The following ZNF267 variants were observed in gnomAD, a reference collection of about 807,000 sequenced individuals.
ZNF267 encodes zinc finger (C2H2).
ZNF267 carries 61 observed loss-of-function variants against 71.6 expected under a neutral mutation model. The observed-to-expected ratio is 0.85, with a 90% CI of 0.69 to 1.05. The LOEUF (loss-of-function observed/expected upper bound fraction) is 1.05. Ranked by LOEUF, ZNF267 falls within the 50% of genes least tolerant of loss-of-function variation. The pLI is 0.00. For missense variants in ZNF267, 852 were observed against 870.0 expected (o/e 0.98, Z 0.26); for synonymous variants, 288 against 293.2 (o/e 0.98, Z 0.18).
Position 31,899,113 on chromosome 16 carries a change from A to G in ZNF267, c.226+13857A>G, listed in dbSNP as rs1289752253. Reference sequence around the variant, plus strand: ...GAGACTTTAACACCCCACTGTCAATATTAGATCAAGGAGACAGAAAATTAA... The same window carrying G: ...GAGACTTTAACACCCCACTGTCAATGTTAGATCAAGGAGACAGAAAATTAA... On this transcript the variant is annotated intron_variant, in intron 3 of 3. Transcript: ENST00000300870. Among the ~76,000 whole-genome samples the G allele has an allele frequency of 2.6e-5, 4 of 152,030 alleles. No homozygotes were observed. In the East Asian group the frequency reaches 7.8e-4, roughly 30 times the overall value.
intron 3 of ZNF267, among the ~76,000 whole-genome samples, chr16:31,901,117 A>G (rs1399445243): frequency 4.6e-5 from 7 of 152,254 alleles, no homozygotes; most frequent in African/African-American, 1.7e-4. Context: ...ATGTCCCTAC[A>G]AAGGACATGA....
In ZNF267 at chr16:31,915,093, CAT is replaced by C; in HGVS notation, c.847_848del (p.Ile283SerfsTer13). 6.2e-7 allele frequency: 1 copy of C among 1,613,612 alleles called. No homozygotes were observed. Among genetic ancestry groups the C allele is most frequent in the Non-Finnish European group, 8.5e-7 (1 of 1,179,846 alleles). ...CVEVCTQSLK[H>X]IQHQTIHIRE... is the part of the protein sequence containing the mutation. Reference sequence around the variant, plus strand: ...AGAAGTTTGTACCCAGTCATTAAAACATATTCAACATCAGACCATCCATATCA... The same window carrying C: ...AGAAGTTTGTACCCAGTCATTAAAACATTCAACATCAGACCATCCATATCA... On this transcript the variant is annotated frameshift_variant, in exon 4 of 4. Coordinates refer to ENST00000300870, the MANE Select transcript of ZNF267 (RefSeq NM_003414.6). LOFTEE classifies it high-confidence loss of function.
Position 31,875,247 on chromosome 16 carries a change from T to C in ZNF267, c.3+1278T>C, listed in dbSNP as rs938037072. 3 of 1,289,100 alleles carry C rather than the reference T, an allele frequency of 2.3e-6. No individual in the cohort carries two copies. The African/African-American group carries it at 4.6e-5, about 20-fold the overall frequency. The allele number at this position is 1,289,100 out of a possible 1,614,324, so 79.9% of individuals were successfully genotyped here. On this transcript the variant is annotated intron_variant, in intron 1 of 3. Coordinates refer to ENST00000300870, the MANE Select transcript of ZNF267 (RefSeq NM_003414.6). ...AGATGCCCACAGTGGCCATGTCTCC[T>C]GGAGTGTTTAGTGACTGTCAGCCCC...
intron 3 of ZNF267, among the ~76,000 whole-genome samples, chr16:31,890,651 G>C (rs879803344): frequency 2.0e-5 from 3 of 152,242 alleles, no homozygotes; most frequent in Non-Finnish European, 4.4e-5. Context: ...GATTCCAGGA[G>C]CTTGGAAGGC....
At chr16:31,875,645 T>C (rs2083847132) in intron 1 of ZNF267, among the ~76,000 whole-genome samples, 1 of 152,218 alleles carries the variant, frequency 6.6e-6, no homozygotes, top group African/African-American at 2.4e-5. Context: ...GGATGGTCCC[T>C]GAGCATTTTA....
Position 31,917,354 on chromosome 16 carries a change from T to A in ZNF267, c.*873T>A, listed in dbSNP as rs2084186611. 1 of 152,076 alleles carries A rather than the reference T, an allele frequency of 6.6e-6. No individual in the cohort carries two copies. 9.4% of individuals were successfully genotyped at this position (152,076 alleles called of 1,614,324 possible). On this transcript the variant is annotated 3_prime_UTR_variant, in exon 4 of 4. Coordinates refer to ENST00000300870, the MANE Select transcript of ZNF267 (RefSeq NM_003414.6). ...CTATATTAAAGTAAGAGGGATATTCTGAATTTTTGAAATTACTTCAATTCC... is the reference window on the plus strand; with the variant it reads ...CTATATTAAAGTAAGAGGGATATTCAGAATTTTTGAAATTACTTCAATTCC...
At chr16:31,885,833 C>CA (rs1403878727) in intron 3 of ZNF267, among the ~76,000 whole-genome samples, 19 of 151,660 alleles carry the variant, frequency 1.3e-4, no homozygotes, top group Non-Finnish European at 2.5e-4. Context: ...TGTTTCACTT[C>CA]AACTTCTCAT....
intron 3 of ZNF267, 119 bp from the exon 4 acceptor site, chr16:31,914,357 A>T: frequency 1.1e-6 from 1 of 905,444 alleles, no homozygotes; most frequent in Non-Finnish European, 1.6e-6. Flanking sequence ...ACACGGCCTC[A>T]GGTTTTTCAC....
chr16:31,890,318 A>G (rs1430464692), intron 3 of ZNF267: 2 of 152,144 alleles, frequency 1.3e-5, no homozygotes, highest in South Asian at 4.1e-4. Context: ...TTTAGTTTCT[A>G]TATCCTCTTA....
At position 31,914,548 on chromosome 16, in the gene ZNF267, C is replaced by A. The variant is rs762062157; in HGVS notation, c.299C>A (p.Ser100Ter). Residue 100 changes from serine (S) to a stop codon, truncating the protein, a stop_gained, in exon 4 of 4, where the codon TCG (serine) becomes TAG (stop). Coordinates refer to ENST00000300870, the MANE Select transcript of ZNF267 (RefSeq NM_003414.6). LOFTEE classifies it high-confidence loss of function. The stretch of plus-strand genomic sequence containing the variant: ...GAAGCTTCATTCCAAAAAGTGATAT[C>A]GAGGAGACATGGGAGCTGTGATCTT... ...CTEASFQKVI[S>*]RRHGSCDLEN... 1 of 1,613,910 alleles carries A rather than the reference C, an allele frequency of 6.2e-7. No individual in the cohort carries two copies. The highest frequency in any genetic ancestry group is 1.1e-5 in the South Asian group (1 of 91,068).
At chr16:31,914,404 G>A (rs2084156521) in intron 3 of ZNF267, 72 bp from the exon 4 acceptor site, 3 of 1,325,454 alleles carry the variant, frequency 2.3e-6, no homozygotes, top group Admixed American at 2.6e-5. Context: ...GCATAATTTT[G>A]TATATTAGAT....
In ZNF267 at chr16:31,873,869, T is replaced by C. The variant is rs1432421103; in HGVS notation, c.-98T>C. 6.4e-7 allele frequency: 1 copy of C among 1,559,660 alleles called. No individual in the cohort carries two copies. Among genetic ancestry groups the C allele is most frequent in the East Asian group, 2.2e-5 (1 of 44,484 alleles). On this transcript the variant is annotated 5_prime_UTR_variant, in exon 1 of 4. Transcript: ENST00000300870. ...TTTCGTTCTGGGAGGCCCAGGCGGC[T>C]TCGCGTTCTGAGAATAAACAGAACC...
chr16:31,893,178 C>T (rs2083973239), intron 3 of ZNF267, among the ~76,000 whole-genome samples: 1 of 152,250 alleles, frequency 6.6e-6, no homozygotes, highest in Non-Finnish European at 1.5e-5. Flanking sequence ...TGAAAGCTGC[C>T]AAGGCTTGGG....
intron 1 of ZNF267, 86 bp downstream of exon 1, chr16:31,874,055 TCCCCGCAGTCAGCCTCGGGGTCTGGG>T (rs1307732568): frequency 6.8e-7 from 1 of 1,471,346 alleles, no homozygotes; most frequent in South Asian, 1.2e-5. Flanking sequence ...CACCCGGGCC[TCCCCGCAGTCAGCCTCGGGGTCTGGG>T]CCCCGAGTCC....
chr16:31,902,828 T>C (rs1420391531), intron 3 of ZNF267, among the ~76,000 whole-genome samples: 2 of 152,266 alleles, frequency 1.3e-5, no homozygotes, highest in Admixed American at 6.5e-5. Context: ...TCCAACACTA[T>C]GTTGAATAGG....
chr16:31,888,411 G>A (rs1229281073), intron 3 of ZNF267, among the ~76,000 whole-genome samples: 1 of 151,988 alleles, frequency 6.6e-6, no homozygotes, highest in African/African-American at 2.4e-5. Flanking sequence ...ATGTTGAATA[G>A]AAGTGTTGAG....
intron 3 of ZNF267, among the ~76,000 whole-genome samples, chr16:31,908,301 A>G (rs972856360): frequency 1.3e-5 from 2 of 152,060 alleles, no homozygotes; most frequent in African/African-American, 4.8e-5. Context: ...CTGATTATTG[A>G]TCCTTTGTCA....
At chr16:31,897,904 T>A (rs1567476586) in intron 3 of ZNF267, among the ~76,000 whole-genome samples, 1 of 152,206 alleles carries the variant, frequency 6.6e-6, no homozygotes, top group African/African-American at 2.4e-5. Flanking sequence ...TCTGGAATAA[T>A]GTACCATATG....
At chr16:31,913,201 C>A (rs1345112424) in intron 3 of ZNF267, 2 of 152,164 alleles carry the variant, frequency 1.3e-5, no homozygotes, top group African/African-American at 4.8e-5. Flanking sequence ...GTTGTTCTTG[C>A]AGACTCATAG....
Sources: gnomAD v4.1 joint callset for allele counts (sites outside exome capture counted in the v4.1 genomes callset) on GRCh38, gnomAD v4.1.1 for gene constraint, MANE v1.5 for transcripts, NCBI Gene and HGNC (gene_info 2026-07-23, HGNC 2026-07-21) for gene names.